ANTXR1: variants seen among roughly 807,000 people sequenced by gnomAD.
ANTXR1 encodes ANTXR cell adhesion molecule 1.
In ANTXR1, 19 loss-of-function variants were observed where a neutral mutation model predicts 78.1. The ratio of observed to expected loss-of-function variants is 0.24; its 90% CI spans 0.17 to 0.36. ANTXR1 has a LOEUF of 0.36. ANTXR1 is among the 10% of genes least tolerant of loss of function. The probability of loss-of-function intolerance (pLI) is 1.00; values close to 1 mark genes in which losing one functional copy is unlikely to be tolerated. For missense variants in ANTXR1, 518 were observed against 718.6 expected (o/e 0.72, Z 3.19); for synonymous variants, 273 against 260.5 (o/e 1.05, Z -0.46).
intron 9 of ANTXR1, among the ~76,000 whole-genome samples, chr2:69,100,403 G>A (rs1209192517): frequency 3.3e-5 from 5 of 152,176 alleles, no homozygotes; most frequent in East Asian, 1.9e-4. Flanking sequence ...TTCCTCCACC[G>A]TCTCCCCCTG....
intron 15 of ANTXR1, 126 bp downstream of exon 15, chr2:69,182,007 A>C: frequency 1.1e-6 from 1 of 904,434 alleles, no homozygotes. Flanking sequence ...CGTAGACCAC[A>C]CTGATGACTC....
intron 10 of ANTXR1, among the ~76,000 whole-genome samples, chr2:69,118,370 G>A (rs960947948): frequency 2.0e-5 from 3 of 152,290 alleles, no homozygotes; most frequent in African/African-American, 7.2e-5. Context: ...GATTGAGGCT[G>A]CAGTGAGCCG....
At chr2:69,150,942 T>C (rs1673374249) in intron 12 of ANTXR1, among the ~76,000 whole-genome samples, 1 of 152,096 alleles carries the variant, frequency 6.6e-6, no homozygotes, top group Admixed American at 6.5e-5. Context: ...GTGGATGCCT[T>C]GAGCCCAGGA....
intron 16 of ANTXR1, among the ~76,000 whole-genome samples, chr2:69,191,592 T>C (rs1181636442): frequency 6.6e-6 from 1 of 152,162 alleles, no homozygotes; most frequent in Non-Finnish European, 1.5e-5. Flanking sequence ...TGAGATAAAT[T>C]TTTCACAAAA....
intron 13 of ANTXR1, among the ~76,000 whole-genome samples, chr2:69,160,981 A>G (rs984064412): frequency 1.2e-4 from 18 of 152,198 alleles, no homozygotes; most frequent in African/African-American, 4.3e-4. Context: ...TGGAGGCTGT[A>G]TCAATATCAA....
chr2:69,230,513 T>G (rs1302390281), intron 17 of ANTXR1, among the ~76,000 whole-genome samples: 1 of 152,126 alleles, frequency 6.6e-6, no homozygotes, highest in Non-Finnish European at 1.5e-5. Flanking sequence ...CACGGCTACT[T>G]TATCTTACTG....
At chr2:69,091,445 C>CAAAAAA (rs60795933) in intron 9 of ANTXR1, among the ~76,000 whole-genome samples, 2 of 62,340 alleles carry the variant, frequency 3.2e-5, no homozygotes, top group African/African-American at 6.2e-5. Context: ...GACACCATCT[C>CAAAAAA]AAAAAAAAAA....
intron 3 of ANTXR1, among the ~76,000 whole-genome samples, chr2:69,050,282 G>A (rs1669892457): frequency 6.6e-6 from 1 of 151,900 alleles, no homozygotes; most frequent in South Asian, 2.1e-4. Context: ...CTGGGCAACA[G>A]AGTGTGCTGT....
At chr2:69,239,414 CA>C (rs573580964) in intron 17 of ANTXR1, among the ~76,000 whole-genome samples, 3 of 151,756 alleles carry the variant, frequency 2.0e-5, no homozygotes, top group African/African-American at 4.8e-5. Context: ...ACTAAAAATA[CA>C]AAAAAAATTA....
intron 17 of ANTXR1, among the ~76,000 whole-genome samples, chr2:69,202,544 C>T (rs1481537210): frequency 6.6e-6 from 1 of 152,078 alleles, no homozygotes; most frequent in East Asian, 1.9e-4. Flanking sequence ...GGCAGAGATC[C>T]AGTAGAGGAA....
rs149976089 is a variant in ANTXR1 at position 69,091,364 on chromosome 2, C to T, written c.703+445C>T. On this transcript the variant is annotated intron_variant, in intron 9 of 17. Coordinates refer to ENST00000303714, the MANE Select transcript of ANTXR1 (RefSeq NM_032208.3). ...GCTGAGGAAGGAGAATCTCTTGAAC[C>T]CGGGAGGCAGAGGTTGGGTTGCAGT... 5.6e-4 allele frequency among the ~76,000 whole-genome samples: 84 copies of T among 150,204 alleles called. 1 individual carries two copies. In the East Asian group the frequency reaches 0.016, roughly 28 times the overall value.
chr2:69,203,892 A>G (rs1220580343), intron 17 of ANTXR1, among the ~76,000 whole-genome samples: 1 of 152,196 alleles, frequency 6.6e-6, no homozygotes, highest in African/African-American at 2.4e-5. Context: ...CAAATAGCAA[A>G]CAGAGAAGTA....
intron 12 of ANTXR1, among the ~76,000 whole-genome samples, chr2:69,146,916 A>G (rs959060395): frequency 1.3e-5 from 2 of 152,190 alleles, no homozygotes; most frequent in Non-Finnish European, 2.9e-5. Context: ...AAGCTCACAC[A>G]CCAGTCCCGA....
At chr2:69,158,709 G>A (rs1673595467) in intron 13 of ANTXR1, among the ~76,000 whole-genome samples, 2 of 152,194 alleles carry the variant, frequency 1.3e-5, no homozygotes, top group African/African-American at 4.8e-5. Context: ...AATAGGCTTT[G>A]TGTTATCTAT....
intron 9 of ANTXR1, among the ~76,000 whole-genome samples, chr2:69,098,967 T>C (rs978156418): frequency 1.6e-5 from 2 of 125,748 alleles, no homozygotes; most frequent in African/African-American, 3.1e-5. Context: ...GCCTAGGTGA[T>C]AGAGTGAGAC....
At chr2:69,020,022 A>G (rs1185084322) in intron 1 of ANTXR1, among the ~76,000 whole-genome samples, 1 of 152,194 alleles carries the variant, frequency 6.6e-6, no homozygotes, top group Non-Finnish European at 1.5e-5. Flanking sequence ...GCTATTGTGA[A>G]TAGTGCTGCA....
At chr2:69,061,963 CAT>C (rs200300501) in intron 3 of ANTXR1, among the ~76,000 whole-genome samples, 2,123 of 152,276 alleles carry the variant, frequency 0.014, 54 homozygotes, top group African/African-American at 0.049. Context: ...AAATAAAATT[CAT>C]ATGTTTCCGT....
At chr2:69,073,202 G>A in intron 6 of ANTXR1, 101 bp downstream of exon 6, 1 of 984,600 alleles carries the variant, frequency 1.0e-6, no homozygotes, top group Non-Finnish European at 1.6e-6. Flanking sequence ...GGTGTTCTTT[G>A]CAAATCCCCT....
At chr2:69,178,499 T>G (rs1480731214) in intron 14 of ANTXR1, among the ~76,000 whole-genome samples, 1 of 152,088 alleles carries the variant, frequency 6.6e-6, no homozygotes, top group Non-Finnish European at 1.5e-5. Flanking sequence ...CGGCGCCTCC[T>G]TCCCCAGGCC....
Sources: gnomAD v4.1 joint callset for allele counts (sites outside exome capture counted in the v4.1 genomes callset) on GRCh38, gnomAD v4.1.1 for gene constraint, MANE v1.5 for transcripts, NCBI Gene and HGNC (gene_info 2026-07-23, HGNC 2026-07-21) for gene names.